RPAP3: variants seen among roughly 807,000 people sequenced by gnomAD.
The protein encoded by RPAP3 is RNA polymerase II-associated protein 3.
RPAP3 carries 58 observed loss-of-function variants against 88.8 expected under a neutral mutation model. That is an observed-to-expected ratio of 0.65 (90% CI 0.53 to 0.81). The LOEUF (loss-of-function observed/expected upper bound fraction) is 0.81. RPAP3 is among the 40% of genes least tolerant of loss of function. The pLI, the probability that RPAP3 is intolerant of heterozygous loss-of-function variation, is 0.00. For synonymous variants in RPAP3, 255 were observed against 259.9 expected, an observed-to-expected ratio of 0.98 and a Z score of 0.18; for missense variants, 751 against 764.3, an observed-to-expected ratio of 0.98 and a Z score of 0.20.
intron 15 of RPAP3, 34 bp downstream of exon 15, chr12:47,667,720 G>T: frequency 8.7e-7 from 1 of 1,153,412 alleles, no homozygotes; most frequent in Admixed American, 2.0e-5. Flanking sequence ...ATTAAGTGAG[G>T]ACTTACTGTA....
intron 1 of RPAP3, among the ~76,000 whole-genome samples, chr12:47,704,439 G>A (rs12580695): frequency 6.6e-6 from 1 of 152,022 alleles, no homozygotes; most frequent in African/African-American, 2.4e-5. Flanking sequence ...CGCAAACTCA[G>A]CTCACTGCAA....
intron 12 of RPAP3, among the ~76,000 whole-genome samples, chr12:47,670,753 C>A (rs1185109290): frequency 6.6e-6 from 1 of 152,092 alleles, no homozygotes; most frequent in African/African-American, 2.4e-5. Flanking sequence ...GTGCACGGCA[C>A]GGCATGGTGG....
intron 12 of RPAP3, 121 bp downstream of exon 12, chr12:47,679,372 T>C: frequency 1.7e-6 from 1 of 598,286 alleles, no homozygotes. Flanking sequence ...GTTGTGCACA[T>C]GTACCCTAGA....
chr12:47,682,588 CA>C (rs569635029), intron 9 of RPAP3, among the ~76,000 whole-genome samples: 8 of 150,346 alleles, frequency 5.3e-5, no homozygotes, highest in Non-Finnish European at 8.9e-5. Context: ...CAAATATGAC[CA>C]AAAAAAGTAT....
intron 6 of RPAP3, among the ~76,000 whole-genome samples, chr12:47,690,070 T>A (rs1005063978): frequency 5.3e-5 from 8 of 150,680 alleles, no homozygotes; most frequent in African/African-American, 1.9e-4. Flanking sequence ...AAAAAAAACC[T>A]AAGCAGCAGC....
chr12:47,696,499 C>T (rs1028800248), intron 4 of RPAP3, 96 bp from the exon 5 acceptor site: 38 of 739,516 alleles, frequency 5.1e-5, no homozygotes, highest in Middle Eastern at 3.8e-4. Context: ...CATGGGTCCA[C>T]TTAAATGTAG....
At chr12:47,668,749 G>A (rs555118689) in intron 14 of RPAP3, among the ~76,000 whole-genome samples, 167 bp downstream of exon 14, 1 of 152,236 alleles carries the variant, frequency 6.6e-6, no homozygotes, top group South Asian at 2.1e-4. Context: ...GAACATCAAG[G>A]TTCCCTGGTT....
chr12:47,696,151 CAGTTGAA>C, intron 5 of RPAP3, 118 bp downstream of exon 5: 1 of 780,378 alleles, frequency 1.3e-6, no homozygotes, highest in Non-Finnish European at 1.8e-6. Flanking sequence ...TAAGAATTTA[CAGTTGAA>C]AAGAAAATGC....
chr12:47,667,136 A>G lies in RPAP3; in HGVS notation c.1812-56T>C, dbSNP rs1018892911. On this transcript the variant is annotated intron_variant, in intron 15 of 16. Coordinates refer to ENST00000005386, the MANE Select transcript of RPAP3 (RefSeq NM_024604.3). ...TCAGTTAAAAGCAGCTCATTTATTAATAATTCTGTTTACTAACACAATACT... is the reference window on the plus strand; with the variant it reads ...TCAGTTAAAAGCAGCTCATTTATTAGTAATTCTGTTTACTAACACAATACT... 5.2e-6 allele frequency: 4 copies of G among 765,380 alleles called. No homozygotes were observed. The African/African-American group carries it at 7.2e-5, about 14-fold the overall frequency. 47.4% of individuals were successfully genotyped at this position (765,380 alleles called of 1,614,324 possible). A position where few individuals can be genotyped will look rare whatever the true frequency, so the allele number is the denominator to read the frequency against.
rs187442866 is a variant in RPAP3, at chr12:47,677,249, A to G, written c.1287+2244T>C. Among the ~76,000 whole-genome samples the G allele has an allele frequency of 2.7e-3, 417 of 152,254 alleles. 2 individuals are homozygous for G. Among genetic ancestry groups the G allele is most frequent in the African/African-American group, 9.6e-3 (399 of 41,544 alleles). On this transcript the variant is annotated intron_variant, in intron 12 of 16. Coordinates refer to ENST00000005386, the MANE Select transcript of RPAP3 (RefSeq NM_024604.3). ...GTATTGATGGAATGTTTCTCAAAAT[A>G]ATAAGAGCTATTTATGACAAACCCA... is the stretch of plus-strand genomic sequence containing the variant.
intron 12 of RPAP3, among the ~76,000 whole-genome samples, chr12:47,673,436 C>T (rs1357225010): frequency 5.1e-5 from 6 of 117,842 alleles, no homozygotes; most frequent in African/African-American, 1.9e-4. Flanking sequence ...AAGAGTGAAA[C>T]TCCGTCTCAA....
At chr12:47,696,188 C>T in intron 5 of RPAP3, 88 bp downstream of exon 5, 1 of 1,120,640 alleles carries the variant, frequency 8.9e-7, no homozygotes, top group Non-Finnish European at 1.2e-6. Context: ...TCAATCTGTC[C>T]TCCACACTTT....
intron 3 of RPAP3, chr12:47,701,195 A>G (rs1271995430): frequency 8.0e-6 from 2 of 248,914 alleles, no homozygotes; most frequent in Non-Finnish European, 1.5e-5. Context: ...AAATAGTAAT[A>G]AGTAAACAGT....
At chr12:47,704,093 C>T (rs946584330) in intron 1 of RPAP3, among the ~76,000 whole-genome samples, 17 of 152,170 alleles carry the variant, frequency 1.1e-4, no homozygotes, top group African/African-American at 4.1e-4. Flanking sequence ...ATTCCGGTGT[C>T]ACTAGCAGAA....
chr12:47,686,180 C>A (rs1271925518), intron 9 of RPAP3, among the ~76,000 whole-genome samples: 2 of 152,182 alleles, frequency 1.3e-5, no homozygotes, highest in Admixed American at 6.5e-5. Context: ...GTCTAAGTTT[C>A]TGCCATCGGA....
At chr12:47,702,981 A>G (rs1412633076) in intron 1 of RPAP3, 135 bp from the exon 2 acceptor site, 1 of 444,170 alleles carries the variant, frequency 2.3e-6, no homozygotes, top group East Asian at 3.5e-5. Context: ...ACTGATGCTG[A>G]ATAAAGAAAA....
At chr12:47,686,189 G>C (rs1939317455) in intron 9 of RPAP3, among the ~76,000 whole-genome samples, 1 of 152,144 alleles carries the variant, frequency 6.6e-6, no homozygotes, top group Non-Finnish European at 1.5e-5. Flanking sequence ...TCTGCCATCG[G>C]ATATAATTCT....
chr12:47,683,136 T>C (rs963486253), intron 9 of RPAP3, among the ~76,000 whole-genome samples: 1 of 152,156 alleles, frequency 6.6e-6, no homozygotes, highest in East Asian at 1.9e-4. Flanking sequence ...CACTAACTCA[T>C]ACTACTCCTA....
At chr12:47,682,680 T>TAA (rs547080438) in intron 9 of RPAP3, among the ~76,000 whole-genome samples, 14 of 136,130 alleles carry the variant, frequency 1.0e-4, no homozygotes, top group South Asian at 4.6e-4. Context: ...ATAAGAATAT[T>TAA]AAAAAAAAAA....
Sources: gnomAD v4.1 joint callset for allele counts (sites outside exome capture counted in the v4.1 genomes callset) on GRCh38, gnomAD v4.1.1 for gene constraint, MANE v1.5 for transcripts, NCBI Gene and HGNC (gene_info 2026-07-23, HGNC 2026-07-21) for gene names.